DNAH10: variants seen among roughly 807,000 people sequenced by gnomAD.
DNAH10 encodes the protein axonemal beta dynein heavy chain 10.
DNAH10 carries 348 observed loss-of-function variants against 506.6 expected under a neutral mutation model. The observed-to-expected ratio is 0.69, with a 90% confidence interval of 0.63 to 0.75. The LOEUF is 0.75. DNAH10 is among the 30% of genes least tolerant of loss of function. DNAH10 has a pLI of 0.00. For missense variants in DNAH10, 5,179 were observed against 5,787.1 expected (o/e 0.89, Z 3.41); for synonymous variants, 2,059 against 2,198.6 (o/e 0.94, Z 1.78).
rs929563009 is a variant in DNAH10 at position 123,909,151 on chromosome 12, T to G, written c.9816-110T>G. On this transcript the variant is annotated intron_variant, in intron 57 of 78. Coordinates refer to ENST00000673944, the MANE Select transcript of DNAH10 (RefSeq NM_001372106.1). This position sits in a 1 kb window ranked among gnomAD's most constrained non-coding sequence, Gnocchi z 5.4. ...GGCTTCTTTCGTTTGCTTGCAGCAG[T>G]AGCTCCAGGGACTGTCTTTTGGTTG... 1.4e-6 allele frequency: 2 copies of G among 1,405,386 alleles called. No homozygotes were observed. Among genetic ancestry groups the G allele is most frequent in the Non-Finnish European group, 1.9e-6 (2 of 1,031,418 alleles). The allele number at this position is 1,405,386 out of a possible 1,614,324, so 87.1% of individuals were successfully genotyped here.
chr12:123,886,463 T>C (rs947602051), intron 51 of DNAH10, among the ~76,000 whole-genome samples: 36 of 149,470 alleles, frequency 2.4e-4, no homozygotes, highest in Non-Finnish European at 5.0e-4. Flanking sequence ...GCATCCTGGT[T>C]GCGTTGCGCG....
intron 39 of DNAH10, among the ~76,000 whole-genome samples, chr12:123,862,358 T>TCTC (rs548276690): frequency 2.6e-5 from 4 of 151,938 alleles, no homozygotes; most frequent in Admixed American, 2.0e-4. Flanking sequence ...TCCTTCTTCT[T>TCTC]CTCCTCCTCC....
intron 59 of DNAH10, 106 bp from the exon 60 acceptor site, chr12:123,912,992 C>G: frequency 9.3e-7 from 1 of 1,079,594 alleles, no homozygotes; most frequent in Non-Finnish European, 1.3e-6. Context: ...CTGAAAAGCA[C>G]AGACACCATT....
chr12:123,826,929 A>C (rs764966244), intron 25 of DNAH10, 31 bp downstream of exon 25: 2 of 1,574,808 alleles, frequency 1.3e-6, no homozygotes, highest in South Asian at 1.2e-5. Context: ...GCAGATGTAA[A>C]AGTGTGGGAG....
At chr12:123,772,026 G>A (rs1201613513) in intron 3 of DNAH10, among the ~76,000 whole-genome samples, 8 of 152,336 alleles carry the variant, frequency 5.3e-5, no homozygotes, top group Non-Finnish European at 8.8e-5. Context: ...TTCATGGATA[G>A]CACTTAATTC....
rs1566115201 is a variant in DNAH10 at position 123,926,632 on chromosome 12, A to G, written c.11922-5A>G. On this transcript the variant is annotated splice_polypyrimidine_tract_variant and splice_region_variant and intron_variant, in intron 68 of 78. Coordinates refer to ENST00000673944, the MANE Select transcript of DNAH10 (RefSeq NM_001372106.1). This position sits in a 1 kb window ranked among gnomAD's most constrained non-coding sequence, Gnocchi z 4.1. ...AGAGTTTTCTGACTGTGTTTCTTTC[A>G]CCAGGTATGTGCAGCCCCCAATGAT... 1 of 1,608,842 alleles carries G rather than the reference A, an allele frequency of 6.2e-7. No homozygotes were observed. The highest frequency in any genetic ancestry group is 1.3e-5 in the African/African-American group (1 of 74,656).
intron 28 of DNAH10, among the ~76,000 whole-genome samples, chr12:123,836,167 C>T (rs1178133171): frequency 6.6e-6 from 1 of 152,028 alleles, no homozygotes; most frequent in Non-Finnish European, 1.5e-5. Flanking sequence ...TTATCTTTTT[C>T]CTATGTGTAT....
chr12:123,848,140 A>C (rs1805786373), intron 33 of DNAH10, 45 bp downstream of exon 33: 2 of 1,582,532 alleles, frequency 1.3e-6, no homozygotes, highest in African/African-American at 1.4e-5. Context: ...TTAGGCAGAG[A>C]GCTTAAAGCA....
At chr12:123,912,569 C>G (rs901368092) in intron 59 of DNAH10, among the ~76,000 whole-genome samples, 4 of 152,016 alleles carry the variant, frequency 2.6e-5, no homozygotes, top group African/African-American at 9.7e-5. Flanking sequence ...GCAGCACCCT[C>G]CCTCCAAGCT....
chr12:123,808,566 T>C (rs1958804058), intron 18 of DNAH10, among the ~76,000 whole-genome samples: 1 of 152,218 alleles, frequency 6.6e-6, no homozygotes, highest in Non-Finnish European at 1.5e-5. Flanking sequence ...TTAACTATTT[T>C]CCAACCAAAA....
chr12:123,864,797 T>TA (rs1244408772), intron 40 of DNAH10, 67 bp downstream of exon 40: 2 of 1,520,862 alleles, frequency 1.3e-6, no homozygotes, highest in East Asian at 4.8e-5. Context: ...AAATGTTTGT[T>TA]AAAGTAGTAG....
chr12:123,811,694 G>A (rs1958940053), intron 19 of DNAH10, among the ~76,000 whole-genome samples: 1 of 152,024 alleles, frequency 6.6e-6, no homozygotes, highest in Non-Finnish European at 1.5e-5. Flanking sequence ...TAGTGGAGTT[G>A]GGGTTTCACC....
rs1232127748 is a variant in DNAH10 at position 123,819,163 on chromosome 12, A to G, written c.3913A>G (p.Ile1305Val). 1 of 1,613,554 alleles carries G rather than the reference A, an allele frequency of 6.2e-7. No individual in the cohort carries two copies. Among genetic ancestry groups the G allele is most frequent in the Non-Finnish European group, 8.5e-7 (1 of 1,179,742 alleles). Residue 1305 changes from isoleucine to valine, a missense_variant, in exon 23 of 79, where the codon ATA becomes GTA. Transcript: ENST00000673944. ...TTTTTCTCAGCTTACTCGAGGCGAA[A>G]TAATGAACTACAGAGTTCAGATAGA... Reference protein sequence around the residue: ...RTFTELTRGEIMNYRVQIEEF... With the variant: ...RTFTELTRGEVMNYRVQIEEF...
At position 123,913,403 on chromosome 12, in the gene DNAH10, G is replaced by A. The variant is rs185998054; in HGVS notation, c.10352+88G>A. The A allele has an allele frequency of 9.2e-5, 126 of 1,373,468 alleles. No homozygotes were observed. In the East Asian group the frequency reaches 1.7e-3, roughly 18 times the overall value. 85.1% of individuals were successfully genotyped at this position (1,373,468 alleles called of 1,614,324 possible). The stretch of plus-strand genomic sequence containing the variant: ...TCGCCATGTTGATTCTTTATCTCAC[G>A]TTGTGTTTTTATGTGAAAACCATGT... On this transcript the variant is annotated intron_variant, in intron 60 of 78. Transcript: ENST00000673944. This position sits in a 1 kb window ranked among gnomAD's most constrained non-coding sequence, Gnocchi z 5.1.
At chr12:123,765,827 CTCTA>C (rs919517373) in intron 1 of DNAH10, among the ~76,000 whole-genome samples, 2 of 151,126 alleles carry the variant, frequency 1.3e-5, no homozygotes, top group South Asian at 2.1e-4. Flanking sequence ...ATACATCTAT[CTCTA>C]TCTATATATC....
At chr12:123,773,921 T>C (rs1957345817) in intron 4 of DNAH10, among the ~76,000 whole-genome samples, 1 of 152,256 alleles carries the variant, frequency 6.6e-6, no homozygotes, top group South Asian at 2.1e-4. Context: ...GTGCAGCTCT[T>C]GTGCACTGTT....
chr12:123,876,618 G>A (rs1179465880), intron 47 of DNAH10, among the ~76,000 whole-genome samples: 4 of 151,934 alleles, frequency 2.6e-5, no homozygotes, highest in South Asian at 2.1e-4. Flanking sequence ...GGGCAACAGA[G>A]TCTCAATCTA....
intron 52 of DNAH10, among the ~76,000 whole-genome samples, chr12:123,887,890 A>C (rs1027142367): frequency 6.6e-6 from 1 of 151,904 alleles, no homozygotes; most frequent in Non-Finnish European, 1.5e-5. Context: ...GACTACAGGC[A>C]CCCACCACCA....
intron 24 of DNAH10, among the ~76,000 whole-genome samples, chr12:123,823,857 G>A (rs1039632991): frequency 1.4e-4 from 21 of 150,310 alleles, no homozygotes; most frequent in Non-Finnish European, 3.1e-4. Flanking sequence ...ATTCTTTCTG[G>A]TTTTTTTTTC....
Sources: allele counts gnomAD v4.1 joint callset (sites outside exome capture counted in the v4.1 genomes callset), GRCh38; gene constraint gnomAD v4.1.1; non-coding constraint Gnocchi (gnomAD v3.1); transcripts MANE v1.5; gene names NCBI Gene and HGNC (gene_info 2026-07-23, HGNC 2026-07-21).